Variants in AP5M1 observed in about 807,000 individuals in gnomAD.
AP5M1 encodes the protein adaptor related protein complex 5 subunit mu 1.
A neutral mutation model predicts 52.3 loss-of-function variants in AP5M1; 44 were observed. The ratio of observed to expected loss-of-function variants is 0.84; its 90% CI spans 0.66 to 1.08. The LOEUF (loss-of-function observed/expected upper bound fraction) is 1.08, where lower values mean the gene tolerates loss of function less well. AP5M1 is among the 50% of genes least tolerant of loss of function. The pLI is 0.00. For synonymous variants in AP5M1, 213 were observed against 199.0 expected (o/e 1.07, Z -0.59); for missense variants, 526 against 568.4 (o/e 0.93, Z 0.76).
chr14:57,289,500 A>C lies in AP5M1; in HGVS notation c.*616A>C, dbSNP rs909623903. On this transcript the variant is annotated 3_prime_UTR_variant, in exon 8 of 8. Transcript: ENST00000261558. ...TCAGAACTATCCTATTGACTAATAA[A>C]TAATCTGCATAATTCTACTTAAGGT... The C allele has an allele frequency of 6.6e-6, 1 of 151,998 alleles. No homozygotes were observed. The highest frequency in any genetic ancestry group is 1.5e-5 in the Non-Finnish European group (1 of 67,944). The allele number at this position is 151,998 out of a possible 1,614,324, so 9.4% of individuals were successfully genotyped here.
chr14:57,286,536 G>C, intron 7 of AP5M1: 1 of 409,774 alleles, frequency 2.4e-6, no homozygotes, highest in Non-Finnish European at 4.4e-6. Context: ...GCAAAGATTG[G>C]GATAGAGGGG....
intron 1 of AP5M1, chr14:57,273,734 C>T: frequency 2.8e-6 from 2 of 701,982 alleles, no homozygotes; most frequent in Non-Finnish European, 5.2e-6. Context: ...CTCAGGGTAC[C>T]TGTCATTCAC....
chr14:57,281,310 G>A (rs533006565), intron 3 of AP5M1, among the ~76,000 whole-genome samples: 101 of 152,232 alleles, frequency 6.6e-4, no homozygotes, highest in Non-Finnish European at 1.3e-3. Flanking sequence ...TCCAAACCTC[G>A]TTTCTACTAT....
At position 57,288,015 on chromosome 14, in the gene AP5M1, A is replaced by G. The variant is rs77903075; in HGVS notation, c.1391-787A>G. 3.0e-4 allele frequency among the ~76,000 whole-genome samples: 46 copies of G among 152,160 alleles called. 2 individuals carry two copies. In the East Asian group the frequency reaches 8.3e-3, roughly 28 times the overall value. The stretch of plus-strand genomic sequence containing the variant: ...AGATACTCAAGCATTCTGGCTCTGG[A>G]ATCTGTCCACTTAACAGTATGCTGT... On this transcript the variant is annotated intron_variant, in intron 7 of 7. Coordinates refer to ENST00000261558, the MANE Select transcript of AP5M1 (RefSeq NM_018229.4).
intron 2 of AP5M1, among the ~76,000 whole-genome samples, chr14:57,278,763 A>T (rs2139689726): frequency 6.6e-6 from 1 of 152,318 alleles, no homozygotes; most frequent in East Asian, 1.9e-4. Context: ...AGACAGTATG[A>T]TTTATTTAGG....
Position 57,295,999 on chromosome 14 carries a change from C to A in AP5M1, c.*7115C>A. ...AAGACTACATTGAGAATGAAAAAGC[C>A]ATTGAACAATAGATGTACCAATTTG... On this transcript the variant is annotated 3_prime_UTR_variant, in exon 8 of 8. Coordinates refer to ENST00000261558, the MANE Select transcript of AP5M1 (RefSeq NM_018229.4). The A allele has an allele frequency of 6.6e-6, 1 of 151,880 alleles. No homozygotes were observed. Among genetic ancestry groups the A allele is most frequent in the Non-Finnish European group, 1.5e-5 (1 of 67,916 alleles). The allele number at this position is 151,880 out of a possible 1,614,324, so 9.4% of individuals were successfully genotyped here.
Position 57,298,128 on chromosome 14 carries a change from C to T in AP5M1, c.*9244C>T, listed in dbSNP as rs540215270. The T allele has an allele frequency of 2.6e-5, 4 of 152,186 alleles. No homozygotes were observed. The highest frequency in any genetic ancestry group is 3.9e-4 in the East Asian group (2 of 5,168). 9.4% of individuals were successfully genotyped at this position (152,186 alleles called of 1,614,324 possible). A position where few individuals can be genotyped will look rare whatever the true frequency, so the allele number is the denominator to read the frequency against. On this transcript the variant is annotated 3_prime_UTR_variant, in exon 8 of 8. Coordinates refer to ENST00000261558, the MANE Select transcript of AP5M1 (RefSeq NM_018229.4). ...CACTCGTATCTTAGAAATGTCCTTC[C>T]GAAACTCACTCTACAACAGCTTTGT...
In AP5M1 at chr14:57,293,958, A is replaced by G. The variant is rs1375985956; in HGVS notation, c.*5074A>G. On this transcript the variant is annotated 3_prime_UTR_variant, in exon 8 of 8. Coordinates refer to ENST00000261558, the MANE Select transcript of AP5M1 (RefSeq NM_018229.4). Reference sequence around the variant, plus strand: ...TCATGAGTTCCTTTGTGATTGAAACAAAGTGATTAAAACTCTTATGACCTG... The same window carrying G: ...TCATGAGTTCCTTTGTGATTGAAACGAAGTGATTAAAACTCTTATGACCTG... 2.0e-5 allele frequency: 3 copies of G among 151,678 alleles called. No individual in the cohort carries two copies. Among genetic ancestry groups the G allele is most frequent in the Admixed American group, 6.6e-5 (1 of 15,164 alleles). The allele number at this position is 151,678 out of a possible 1,614,324, so 9.4% of individuals were successfully genotyped here. A position where few individuals can be genotyped will look rare whatever the true frequency, so the allele number is the denominator to read the frequency against.
chr14:57,281,225 G>A (rs1480378233), intron 3 of AP5M1, among the ~76,000 whole-genome samples: 1 of 152,094 alleles, frequency 6.6e-6, no homozygotes, highest in East Asian at 1.9e-4. Flanking sequence ...GAGTCTCAAA[G>A]AAGTGAAATG....
At chr14:57,277,394 A>G (rs1307834779) in intron 2 of AP5M1, among the ~76,000 whole-genome samples, 2 of 152,196 alleles carry the variant, frequency 1.3e-5, no homozygotes, top group Non-Finnish European at 2.9e-5. Context: ...GGTATTTACT[A>G]TTGATGTTTG....
chr14:57,277,353 A>G (rs1034922663), intron 2 of AP5M1, among the ~76,000 whole-genome samples: 2 of 152,162 alleles, frequency 1.3e-5, no homozygotes, highest in Admixed American at 6.5e-5. Context: ...TTAATTTGCT[A>G]AGTATAAACT....
Position 57,274,522 on chromosome 14 carries a change from C to G in AP5M1, c.353C>G (p.Pro118Arg). ...CVPLVEQTLSPRPPLISVSGV... is the reference protein window; with the variant it reads ...CVPLVEQTLSRRPPLISVSGV... ...CCACTAGTTGAACAAACTCTGTCCC[C>G]TCGTCCGCCACTAATTAGTGTCAGT... Residue 118 changes from proline to arginine, a missense_variant, in exon 2 of 8, where the codon CCT (proline) becomes CGT (arginine). Pro to Arg is a moderately radical substitution (Grantham distance 103). Around this residue, in one of 3 missense-constraint regions of AP5M1, gnomAD observed 425 missense variants for 430.6 expected, o/e 0.99. Coordinates refer to ENST00000261558, the MANE Select transcript of AP5M1 (RefSeq NM_018229.4). 1.2e-6 allele frequency: 2 copies of G among 1,614,138 alleles called. No homozygotes were observed. The highest frequency in any genetic ancestry group is 1.7e-5 in the Admixed American group (1 of 60,026).
chr14:57,280,683 C>T (rs1471058566), intron 3 of AP5M1, among the ~76,000 whole-genome samples: 1 of 151,978 alleles, frequency 6.6e-6, no homozygotes, highest in Non-Finnish European at 1.5e-5. Context: ...AACCTTGTCT[C>T]TACTAAAAAT....
In AP5M1 at chr14:57,269,360, C is replaced by A. The variant is rs1266864883; in HGVS notation, c.46C>A (p.Pro16Thr). The A allele has an allele frequency of 6.2e-7, 1 of 1,614,136 alleles. No individual in the cohort carries two copies. The highest frequency in any genetic ancestry group is 1.1e-5 in the South Asian group (1 of 91,078). The stretch of plus-strand genomic sequence containing the variant: ...GCTCATAAGCCACGAACCGGGAACT[C>A]CACTTTGTGGCACCGTGAGATTCTC... ...VWLISHEPGT[P>T]LCGTVRFSRR... is the part of the protein sequence containing the mutation. Residue 16 changes from proline to threonine, a missense_variant, in exon 1 of 8, where the codon CCA becomes ACA. By Grantham distance (38) the Pro-to-Thr change is conservative. This residue lies in a region of AP5M1 where 425 missense variants were observed against 430.6 expected (regional missense o/e 0.99). Transcript: ENST00000261558.
Position 57,293,949 on chromosome 14 carries a change from G to A in AP5M1, c.*5065G>A, listed in dbSNP as rs1439747506. On this transcript the variant is annotated 3_prime_UTR_variant, in exon 8 of 8. Transcript: ENST00000261558. ...CAAAGGAACTCATGAGTTCCTTTGT[G>A]ATTGAAACAAAGTGATTAAAACTCT... 1 of 151,562 alleles carries A rather than the reference G, an allele frequency of 6.6e-6. No individual in the cohort carries two copies. Among genetic ancestry groups the A allele is most frequent in the African/African-American group, 2.4e-5 (1 of 41,358 alleles). 9.4% of individuals were successfully genotyped at this position (151,562 alleles called of 1,614,324 possible).
intron 2 of AP5M1, among the ~76,000 whole-genome samples, chr14:57,278,206 A>G (rs536772484): frequency 3.5e-4 from 54 of 152,334 alleles, no homozygotes; most frequent in South Asian, 6.2e-4. Flanking sequence ...TGTCTAATAT[A>G]GAAATTAGGG....
Position 57,295,049 on chromosome 14 carries a change from C to CAA in AP5M1, c.*6167_*6168dup, listed in dbSNP as rs1189762946. 3.3e-5 allele frequency: 5 copies of CAA among 151,824 alleles called. No individual in the cohort carries two copies. Among genetic ancestry groups the CAA allele is most frequent in the Non-Finnish European group, 7.4e-5 (5 of 67,864 alleles). 9.4% of individuals were successfully genotyped at this position (151,824 alleles called of 1,614,324 possible). On this transcript the variant is annotated 3_prime_UTR_variant, in exon 8 of 8. Coordinates refer to ENST00000261558, the MANE Select transcript of AP5M1 (RefSeq NM_018229.4). ...GAAAGAGCATTTGAAGAGCAAAAGG[C>CAA]AAAGGTTCCATCACCATCCTGTGGA...
intron 1 of AP5M1, chr14:57,273,578 G>T: frequency 1.9e-6 from 1 of 535,798 alleles, no homozygotes; most frequent in African/African-American, 1.9e-5. Context: ...AGATAAATTA[G>T]TAACTGCTTA....
At chr14:57,288,726 T>C (rs1360975367) in intron 7 of AP5M1, 76 bp from the exon 8 acceptor site, 2 of 876,500 alleles carry the variant, frequency 2.3e-6, no homozygotes, top group Non-Finnish European at 3.7e-6. Context: ...TTCCACAATT[T>C]CAAAAATCAT....
Sources: gnomAD v4.1 joint callset for allele counts (sites outside exome capture counted in the v4.1 genomes callset) on GRCh38, gnomAD v4.1.1 for gene constraint, gnomAD v4.1.1 regional missense constraint, MANE v1.5 for transcripts, NCBI Gene and HGNC (gene_info 2026-07-23, HGNC 2026-07-21) for gene names.